BABAM2: variants seen among roughly 807,000 people sequenced by gnomAD.
The protein encoded by BABAM2 is BRISC and BRCA1-A complex member 2.
A neutral mutation model predicts 54.7 loss-of-function variants in BABAM2; 31 were observed. The observed-to-expected ratio is 0.57, with a 90% CI of 0.43 to 0.77. BABAM2 has a LOEUF of 0.77. BABAM2 is among the 30% of genes least tolerant of loss of function. The pLI is 0.00. For synonymous variants in BABAM2, 167 were observed against 162.9 expected (o/e 1.03, Z -0.19); for missense variants, 364 against 455.8 (o/e 0.80, Z 1.83).
At chr2:28,273,315 C>G (rs1232785824) in intron 10 of BABAM2, among the ~76,000 whole-genome samples, 2 of 152,220 alleles carry the variant, frequency 1.3e-5, no homozygotes, top group Non-Finnish European at 2.9e-5. Context: ...TTGGCAGATT[C>G]TGAGGACTGA....
At chr2:28,074,420 G>T (rs1004804611) in intron 6 of BABAM2, among the ~76,000 whole-genome samples, 4 of 152,092 alleles carry the variant, frequency 2.6e-5, no homozygotes, top group Non-Finnish European at 4.4e-5. Context: ...ATGTCCCCGG[G>T]AGGGCAAAAT....
At chr2:28,124,910 T>C (rs1339882066) in intron 6 of BABAM2, among the ~76,000 whole-genome samples, 2 of 152,138 alleles carry the variant, frequency 1.3e-5, no homozygotes, top group Admixed American at 1.3e-4. Flanking sequence ...TCTGCAAAAA[T>C]CTAAATTTTC....
At chr2:28,190,549 T>C (rs1469930649) in intron 7 of BABAM2, among the ~76,000 whole-genome samples, 1 of 152,054 alleles carries the variant, frequency 6.6e-6, no homozygotes, top group Non-Finnish European at 1.5e-5. Flanking sequence ...TAGCTAGGCG[T>C]GGTGGTGCAT....
At chr2:28,219,054 C>T (rs773430365) in intron 7 of BABAM2, among the ~76,000 whole-genome samples, 10 of 152,226 alleles carry the variant, frequency 6.6e-5, no homozygotes, top group Non-Finnish European at 1.5e-4. Flanking sequence ...GCAGCTTAAA[C>T]CCATGCCAAT....
chr2:27,889,062 G>A (rs1402930800), upstream of BABAM2, among the ~76,000 whole-genome samples: 1 of 152,184 alleles, frequency 6.6e-6, no homozygotes, highest in Non-Finnish European at 1.5e-5. Context: ...TCGTTACACA[G>A]TCTCCTACTC....
At chr2:28,032,097 T>C (rs1025311779) in intron 5 of BABAM2, among the ~76,000 whole-genome samples, 1 of 152,236 alleles carries the variant, frequency 6.6e-6, no homozygotes, top group African/African-American at 2.4e-5. Context: ...CTGGTCCAAG[T>C]AGTCCATCTG....
intron 7 of BABAM2, among the ~76,000 whole-genome samples, chr2:28,206,357 A>T (rs1678840205): frequency 6.6e-6 from 1 of 152,064 alleles, no homozygotes; most frequent in Non-Finnish European, 1.5e-5. Context: ...GAGCCAGGAG[A>T]CTTCTGCAAA....
intron 10 of BABAM2, among the ~76,000 whole-genome samples, chr2:28,263,021 C>T (rs183960350): frequency 6.6e-6 from 1 of 151,572 alleles, no homozygotes; most frequent in African/African-American, 2.4e-5. Flanking sequence ...TGACTTGTGG[C>T]TAAACTTGAA....
chr2:28,112,082 A>ACTCT (rs778233780), intron 6 of BABAM2, among the ~76,000 whole-genome samples: 4 of 78,768 alleles, frequency 5.1e-5, no homozygotes, highest in African/African-American at 1.8e-4. Flanking sequence ...GATACCCATT[A>ACTCT]CTCTTTCTTT....
intron 3 of BABAM2, among the ~76,000 whole-genome samples, chr2:27,935,893 A>G (rs1668450082): frequency 2.0e-5 from 3 of 152,040 alleles, no homozygotes; most frequent in Admixed American, 1.3e-4. Flanking sequence ...GCAATTCAGT[A>G]TTTTATTCTT....
chr2:28,273,079 C>A (rs538343464), intron 10 of BABAM2, among the ~76,000 whole-genome samples: 13 of 152,290 alleles, frequency 8.5e-5, no homozygotes, highest in African/African-American at 3.1e-4. Flanking sequence ...GCTGATACGA[C>A]GTCCCTGTTT....
At chr2:28,332,147 A>T (rs1373432305) in intron 11 of BABAM2, among the ~76,000 whole-genome samples, 1 of 152,188 alleles carries the variant, frequency 6.6e-6, no homozygotes, top group African/African-American at 2.4e-5. Context: ...AACATCACAC[A>T]CTGGGGCCTG....
chr2:28,263,151 GAA>G (rs1684684463), intron 10 of BABAM2, among the ~76,000 whole-genome samples: 1 of 134,770 alleles, frequency 7.4e-6, no homozygotes, highest in Non-Finnish European at 1.6e-5. Context: ...AAAAAAAGAA[GAA>G]AAGAAAGGAA....
rs371359044 is a variant in BABAM2, at chr2:27,983,728, G to A, written c.206-4265G>A. 2.0e-5 allele frequency among the ~76,000 whole-genome samples: 3 copies of A among 151,854 alleles called. No individual in the cohort carries two copies. In the East Asian group the frequency reaches 5.8e-4, roughly 29 times the overall value. On this transcript the variant is annotated intron_variant, in intron 3 of 11. Coordinates refer to ENST00000379624, the MANE Select transcript of BABAM2 (RefSeq NM_199191.3). ...TGTTCTTTTTGATCTCATTGTAAAT[G>A]GAATTTTAAAAAATTATTTTTGGAT...
intron 4 of BABAM2, among the ~76,000 whole-genome samples, chr2:28,008,079 T>C (rs1558653027): frequency 2.0e-5 from 3 of 152,192 alleles, no homozygotes; most frequent in Admixed American, 6.5e-5. Context: ...TGCATAGAGA[T>C]GAATAAAATA....
intron 9 of BABAM2, among the ~76,000 whole-genome samples, chr2:28,242,482 G>A (rs940829619): frequency 4.6e-5 from 7 of 152,146 alleles, no homozygotes; most frequent in African/African-American, 1.7e-4. Flanking sequence ...TTTTCCTCAC[G>A]ATCTTTAGAA....
chr2:28,104,649 G>C (rs1165426900), intron 6 of BABAM2, among the ~76,000 whole-genome samples: 1 of 152,150 alleles, frequency 6.6e-6, no homozygotes, highest in East Asian at 1.9e-4. Flanking sequence ...TAGGGATCTA[G>C]AACTAGAAAT....
At chr2:28,204,077 T>C (rs998294260) in intron 7 of BABAM2, among the ~76,000 whole-genome samples, 2 of 152,252 alleles carry the variant, frequency 1.3e-5, no homozygotes, top group African/African-American at 4.8e-5. Flanking sequence ...CCATTTAAGC[T>C]TCCCCTTCTA....
intron 6 of BABAM2, among the ~76,000 whole-genome samples, chr2:28,101,762 T>C (rs1667099859): frequency 6.6e-6 from 1 of 152,196 alleles, no homozygotes; most frequent in Admixed American, 6.5e-5. Flanking sequence ...AATAAATACA[T>C]ATAAACATAT....
Sources: allele counts gnomAD v4.1 joint callset (sites outside exome capture counted in the v4.1 genomes callset), GRCh38; gene constraint gnomAD v4.1.1; transcripts MANE v1.5; gene names NCBI Gene and HGNC (gene_info 2026-07-23, HGNC 2026-07-21).